Variants in FHL1 observed in about 807,000 individuals in gnomAD.
The protein encoded by FHL1 is four and a half LIM domains protein 1.
Under a neutral mutation model 20.3 loss-of-function variants are expected in FHL1, and 1 was observed. The ratio of observed to expected loss-of-function variants is 0.05; its 90% CI spans 0.02 to 0.23. The LOEUF (loss-of-function observed/expected upper bound fraction) is 0.23. FHL1 is among the 10% of genes least tolerant of loss of function. The pLI, the probability that FHL1 is intolerant of heterozygous loss-of-function variation, is 1.00. For missense variants in FHL1, 177 were observed against 234.0 expected (o/e 0.76, Z 1.59); for synonymous variants, 82 against 88.9 (o/e 0.92, Z 0.44).
chrX:136,191,871 C>A (rs770743211), intron 2 of FHL1, among the ~76,000 whole-genome samples: 1 of 111,603 alleles, frequency 9.0e-6, no homozygotes, highest in East Asian at 2.8e-4. Flanking sequence ...GAATGTTTAG[C>A]CCTCAAGCAT....
upstream of FHL1, among the ~76,000 whole-genome samples, chrX:136,194,403 G>A (rs1056003196): frequency 1.8e-5 from 2 of 111,850 alleles, no homozygotes; most frequent in African/African-American, 6.5e-5. Context: ...TAATGTATCT[G>A]CAGATAGTAG....
upstream of FHL1, among the ~76,000 whole-genome samples, chrX:136,167,454 C>T (rs185811225): frequency 8.2e-5 from 9 of 110,099 alleles, no homozygotes; most frequent in African/African-American, 2.3e-4. Context: ...ATCCACCCAC[C>T]GCAGCCTCCC....
intron 2 of FHL1, among the ~76,000 whole-genome samples, chrX:136,177,025 C>CACACACACACACAT (rs1187016672): frequency 9.4e-6 from 1 of 106,906 alleles, no homozygotes; most frequent in Non-Finnish European, 1.9e-5. Flanking sequence ...CACACACACA[C>CACACACACACACAT]ACACACACAC....
At chrX:136,169,140 TC>T (rs906136460), upstream of FHL1, among the ~76,000 whole-genome samples, 1 of 111,705 alleles carries the variant, frequency 9.0e-6, no homozygotes, top group Admixed American at 9.6e-5. Flanking sequence ...ACTCCCTTTC[TC>T]CTTTGCCCCA....
intron 2 of FHL1, among the ~76,000 whole-genome samples, chrX:136,180,771 T>C (rs1042203527): frequency 2.2e-5 from 2 of 92,420 alleles, no homozygotes; most frequent in African/African-American, 7.4e-5. Context: ...AGACAGAGTC[T>C]CACTCTCTCG....
intron 2 of FHL1, among the ~76,000 whole-genome samples, chrX:136,184,152 C>T (rs188995333): frequency 5.4e-5 from 6 of 112,132 alleles, no homozygotes; most frequent in Admixed American, 3.8e-4. Context: ...CCTATCCTGG[C>T]TGTGTTACAA....
chrX:136,150,698 T>G (rs1188655053), intron 1 of FHL1, among the ~76,000 whole-genome samples: 1 of 112,368 alleles, frequency 8.9e-6, no homozygotes, highest in Non-Finnish European at 1.9e-5. Flanking sequence ...AGTTACCTCC[T>G]CTGTTGGAGG....
intron 2 of FHL1, 60 bp from the exon 3 acceptor site, chrX:136,206,956 G>T: frequency 8.5e-7 from 1 of 1,170,905 alleles, no homozygotes; most frequent in Admixed American, 2.2e-5. Flanking sequence ...TTATGGGAGG[G>T]CTCCTGCCAC....
intron 2 of FHL1, among the ~76,000 whole-genome samples, chrX:136,181,032 C>T (rs2073143926): frequency 8.9e-6 from 1 of 112,529 alleles, no homozygotes; most frequent in South Asian, 3.6e-4. Flanking sequence ...CGTGAGCCAC[C>T]GCGCCCGGCC....
chrX:136,209,615 G>A (rs765424889), intron 5 of FHL1, among the ~76,000 whole-genome samples: 33 of 110,394 alleles, frequency 3.0e-4, no homozygotes, highest in African/African-American at 1.1e-3. Context: ...GCCCTTGGCC[G>A]GGCTTCAGCA....
At position 136,210,652 on chromosome X, in the gene FHL1, C is replaced by T. The variant is rs185874905; in HGVS notation, c.*627C>T. On this transcript the variant is annotated 3_prime_UTR_variant, in exon 6 of 6. Transcript: ENST00000370683. ...ACTAACGTTTGGTTTCCCCGTGTGG[C>T]ATGTTTTCTGAGCGTTCCTACTTTA... 1 of 388,600 alleles carries T rather than the reference C, an allele frequency of 2.6e-6. No homozygotes were observed. The highest frequency in any genetic ancestry group is 5.3e-5 in the East Asian group (1 of 18,827). 32.0% of individuals were successfully genotyped at this position (388,600 alleles called of 1,213,427 possible).
chrX:136,209,088 G>A, intron 5 of FHL1: 1 of 484,328 alleles, frequency 2.1e-6, no homozygotes, highest in South Asian at 3.5e-5. Flanking sequence ...TTGGTTTGCT[G>A]TTTATTTGTT....
intron 2 of FHL1, among the ~76,000 whole-genome samples, chrX:136,176,744 GTTTA>G (rs2073012954): frequency 1.8e-5 from 2 of 111,415 alleles, no homozygotes; most frequent in South Asian, 3.8e-4. Context: ...AAGGTTACTG[GTTTA>G]TTTATCTCCC....
intron 2 of FHL1, among the ~76,000 whole-genome samples, chrX:136,188,715 C>T (rs762936268): frequency 7.6e-4 from 84 of 110,737 alleles, no homozygotes; most frequent in African/African-American, 2.7e-3. Context: ...ATGCTTTAGC[C>T]GGAGTTCATC....
At chrX:136,160,233 G>GA (rs1264174810) in intron 1 of FHL1, among the ~76,000 whole-genome samples, 2 of 110,414 alleles carry the variant, frequency 1.8e-5, no homozygotes, top group Non-Finnish European at 3.8e-5. Flanking sequence ...CAAAGGGAAA[G>GA]AAAAAAACTG....
At chrX:136,197,728 T>G (rs948609525) in intron 1 of FHL1, among the ~76,000 whole-genome samples, 4 of 112,686 alleles carry the variant, frequency 3.5e-5, no homozygotes, top group African/African-American at 1.3e-4. Context: ...GAGCATTTTC[T>G]TCTGGTTTTG....
At chrX:136,147,363 G>T (rs1256766712), upstream of FHL1, 1 of 82,960 alleles carries the variant, frequency 1.2e-5, no homozygotes, top group Non-Finnish European at 2.4e-5. Context: ...CACAGCCTCC[G>T]TGCAGTGGGC....
intron 1 of FHL1, among the ~76,000 whole-genome samples, chrX:136,151,047 C>G (rs1410229400): frequency 8.9e-6 from 1 of 112,110 alleles, no homozygotes; most frequent in Non-Finnish European, 1.9e-5. Flanking sequence ...AATAGTAGCT[C>G]GAATAAACCT....
At chrX:136,151,150 GC>G (rs1244513511) in intron 1 of FHL1, among the ~76,000 whole-genome samples, 1 of 112,174 alleles carries the variant, frequency 8.9e-6, no homozygotes, top group African/African-American at 3.2e-5. Flanking sequence ...GGGCGCTTTT[GC>G]CCCCCGGGGT....
Sources: allele counts gnomAD v4.1 joint callset (sites outside exome capture counted in the v4.1 genomes callset), GRCh38; gene constraint gnomAD v4.1.1; transcripts MANE v1.5; gene names NCBI Gene and HGNC (gene_info 2026-07-23, HGNC 2026-07-21).